SIPA1L1: variants seen among roughly 807,000 people sequenced by gnomAD.
SIPA1L1 encodes the protein signal-induced proliferation-associated 1-like protein 1.
In SIPA1L1, 26 loss-of-function variants were observed where a neutral mutation model predicts 162.7. The observed-to-expected ratio is 0.16, with a 90% CI of 0.12 to 0.22. The LOEUF (loss-of-function observed/expected upper bound fraction) is 0.22, where lower values mean the gene tolerates loss of function less well. SIPA1L1 is among the 10% of genes least tolerant of loss of function. SIPA1L1 has a pLI of 1.00. For missense variants in SIPA1L1, 1,874 were observed against 2,241.0 expected, an observed-to-expected ratio of 0.84 and a Z score of 3.31; for synonymous variants, 829 against 837.4, an observed-to-expected ratio of 0.99 and a Z score of 0.17.
chr14:71,502,058 T>C (rs60525463), intron 2 of SIPA1L1, among the ~76,000 whole-genome samples: 1 of 147,948 alleles, frequency 6.8e-6, no homozygotes, highest in African/African-American at 2.5e-5. Context: ...AAAAAAAATC[T>C]TCATTGAACA....
At chr14:71,415,295 C>A (rs994503434) in intron 2 of SIPA1L1, among the ~76,000 whole-genome samples, 9 of 152,186 alleles carry the variant, frequency 5.9e-5, no homozygotes, top group African/African-American at 1.9e-4. Flanking sequence ...TTTTAAAGTA[C>A]ATTAGGGCAC....
intron 2 of SIPA1L1, chr14:71,467,072 A>G (rs1351841251): frequency 6.6e-6 from 1 of 152,212 alleles, no homozygotes; most frequent in Non-Finnish European, 1.5e-5. Context: ...CCTGCTTGGA[A>G]CAACACTTTG....
At chr14:71,402,323 C>A (rs984169861) in intron 2 of SIPA1L1, among the ~76,000 whole-genome samples, 3 of 151,314 alleles carry the variant, frequency 2.0e-5, no homozygotes, top group African/African-American at 7.3e-5. Flanking sequence ...ATAACAGTGC[C>A]ACCACTTCTT....
intron 2 of SIPA1L1, among the ~76,000 whole-genome samples, chr14:71,446,892 C>CTTTTTTTT (rs2045390917): frequency 1.0e-5 from 1 of 99,578 alleles, no homozygotes; most frequent in African/African-American, 4.0e-5. Flanking sequence ...GAGATGGGCT[C>CTTTTTTTT]TGTTTTTTTT....
Position 71,730,135 on chromosome 14 carries a change from C to A in SIPA1L1, c.4695C>A (p.Asp1565Glu), listed in dbSNP as rs760567734. ...SRRALHRTLSDESIYNSQREH... is the reference protein window; with the variant it reads ...SRRALHRTLSEESIYNSQREH... ...GGGCCTTGCACAGAACACTGTCGGA[C>A]GAGAGCATTTACAATAGCCAGAGGG... The change falls in exon 20 of 24, where the codon GAC becomes GAA. Residue 1565 changes from aspartate (D) to glutamate (E), a missense_variant. Transcript: ENST00000381232. 6.2e-7 allele frequency: 1 copy of A among 1,614,180 alleles called. No homozygotes were observed. The highest frequency in any genetic ancestry group is 8.5e-7 in the Non-Finnish European group (1 of 1,180,022).
At chr14:71,736,194 GA>G (rs1241893230) in intron 22 of SIPA1L1, among the ~76,000 whole-genome samples, 1 of 152,166 alleles carries the variant, frequency 6.6e-6, no homozygotes, top group Non-Finnish European at 1.5e-5. Flanking sequence ...TCAGGAGTTT[GA>G]AACCAGCCTG....
intron 8 of SIPA1L1, among the ~76,000 whole-genome samples, chr14:71,651,913 C>T (rs1320129734): frequency 6.6e-6 from 1 of 152,124 alleles, no homozygotes; most frequent in Non-Finnish European, 1.5e-5. Flanking sequence ...GGGGGATGAG[C>T]CTGGATTACC....
At chr14:71,701,491 C>T (rs1006905133) in intron 14 of SIPA1L1, among the ~76,000 whole-genome samples, 1 of 151,886 alleles carries the variant, frequency 6.6e-6, no homozygotes, top group Non-Finnish European at 1.5e-5. Flanking sequence ...GCTGGGATTA[C>T]AGGCGTGAGC....
At chr14:71,327,706 A>T (rs774781636) in intron 2 of SIPA1L1, among the ~76,000 whole-genome samples, 8 of 152,198 alleles carry the variant, frequency 5.3e-5, no homozygotes, top group Non-Finnish European at 8.8e-5. Context: ...AAGACTTTTC[A>T]GAAACACATG....
intron 4 of SIPA1L1, among the ~76,000 whole-genome samples, chr14:71,541,494 T>C (rs1361884902): frequency 6.6e-6 from 1 of 152,110 alleles, no homozygotes; most frequent in Non-Finnish European, 1.5e-5. Context: ...AAGCGGCAGC[T>C]CATGCCTATA....
chr14:71,405,460 C>T (rs1945681284), intron 2 of SIPA1L1, among the ~76,000 whole-genome samples: 1 of 152,208 alleles, frequency 6.6e-6, no homozygotes, highest in African/African-American at 2.4e-5. Flanking sequence ...GGACAGTTCT[C>T]CACTTGTCTC....
At chr14:71,346,980 C>G (rs1213719293) in intron 2 of SIPA1L1, among the ~76,000 whole-genome samples, 2 of 148,802 alleles carry the variant, frequency 1.3e-5, no homozygotes, top group African/African-American at 5.0e-5. Flanking sequence ...TTGAGACAGT[C>G]TTGCTCTGTT....
chr14:71,549,091 T>C (rs1314192706), intron 4 of SIPA1L1, among the ~76,000 whole-genome samples: 1 of 152,182 alleles, frequency 6.6e-6, no homozygotes, highest in Non-Finnish European at 1.5e-5. Flanking sequence ...AATAAGAGTT[T>C]AAAATAATTC....
intron 2 of SIPA1L1, among the ~76,000 whole-genome samples, chr14:71,487,214 C>T (rs956735976): frequency 6.6e-6 from 1 of 152,148 alleles, no homozygotes; most frequent in Non-Finnish European, 1.5e-5. Flanking sequence ...TGCTGTTTTC[C>T]CTCCCCTCCC....
At chr14:71,502,984 T>C (rs1178807363) in intron 2 of SIPA1L1, among the ~76,000 whole-genome samples, 2 of 152,236 alleles carry the variant, frequency 1.3e-5, no homozygotes. Flanking sequence ...TGAATTCTTA[T>C]GCATGTCCCC....
intron 19 of SIPA1L1, among the ~76,000 whole-genome samples, chr14:71,728,665 T>C (rs374477396): frequency 6.6e-6 from 1 of 152,232 alleles, no homozygotes; most frequent in African/African-American, 2.4e-5. Context: ...TGCTAAATCA[T>C]TCTCTCTCTG....
intron 2 of SIPA1L1, among the ~76,000 whole-genome samples, chr14:71,462,885 G>T (rs945912728): frequency 6.6e-6 from 1 of 152,198 alleles, no homozygotes; most frequent in Non-Finnish European, 1.5e-5. Flanking sequence ...CCAGCTGAAG[G>T]CAAATTGCTT....
rs116566471 is a variant in SIPA1L1 at position 71,433,459 on chromosome 14, G to A, written c.-464-79284G>A. 5.3e-3 allele frequency among the ~76,000 whole-genome samples: 812 copies of A among 152,254 alleles called. 12 individuals carry two copies. The highest frequency in any genetic ancestry group is 0.019 in the African/African-American group (775 of 41,546). ...AGCTTCCTGAGTAGCTGGGACTATG[G>A]GTGTGCGCCACCACGCCCAACTAAT... On this transcript the variant is annotated intron_variant, in intron 2 of 23. Transcript: ENST00000381232.
chr14:71,573,859 CTTA>C (rs1348423654), intron 4 of SIPA1L1: 1 of 378,446 alleles, frequency 2.6e-6, no homozygotes, highest in Admixed American at 3.1e-5. Context: ...GCCTTTGATG[CTTA>C]TTATACTCAG....
Sources: allele counts gnomAD v4.1 joint callset (sites outside exome capture counted in the v4.1 genomes callset), GRCh38; gene constraint gnomAD v4.1.1; transcripts MANE v1.5; gene names NCBI Gene and HGNC (gene_info 2026-07-23, HGNC 2026-07-21).